The following ADAMTS2 variants were observed in gnomAD, a reference collection of about 807,000 sequenced individuals.
ADAMTS2 encodes ADAM metallopeptidase with thrombospondin type 1 motif 2.
A neutral mutation model predicts 123.0 loss-of-function variants in ADAMTS2; 50 were observed. The observed-to-expected ratio is 0.41, with a 90% CI of 0.32 to 0.51. The LOEUF is 0.51. Ranked by LOEUF, ADAMTS2 falls within the 20% of genes least tolerant of loss-of-function variation. The pLI is 0.35. For synonymous variants in ADAMTS2, 678 were observed against 695.4 expected, an observed-to-expected ratio of 0.98 and a Z score of 0.39; for missense variants, 1,494 against 1,705.2, an observed-to-expected ratio of 0.88 and a Z score of 2.18.
chr5:179,343,806 G>A lies in ADAMTS2; in HGVS notation c.495C>T (p.Ala165=), dbSNP rs1757852530. ...CLYVGDVAGL[A]EASSVALSNC... ...TGCTGAGCGCCACAGAGGAGGCTTCGGCTAGGCCGGCCACGTCTCCGACGT... is the reference window on the plus strand; with the variant it reads ...TGCTGAGCGCCACAGAGGAGGCTTCAGCTAGGCCGGCCACGTCTCCGACGT... The change falls in exon 2 of 22, where the codon GCC becomes GCT. Residue 165 remains alanine (A), a synonymous_variant. Coordinates refer to ENST00000251582, the MANE Select transcript of ADAMTS2 (RefSeq NM_014244.5). 1 of 1,611,258 alleles carries A rather than the reference G, an allele frequency of 6.2e-7. No individual in the cohort carries two copies. Among genetic ancestry groups the A allele is most frequent in the Non-Finnish European group, 8.5e-7 (1 of 1,179,502 alleles).
intron 2 of ADAMTS2, among the ~76,000 whole-genome samples, chr5:179,279,214 A>G (rs1766825418): frequency 6.6e-6 from 1 of 152,094 alleles, no homozygotes; most frequent in Admixed American, 6.5e-5. Context: ...TGCAGTGGCA[A>G]CAATCAAGCA....
At chr5:179,319,237 T>C (rs538169907) in intron 2 of ADAMTS2, among the ~76,000 whole-genome samples, 2 of 152,168 alleles carry the variant, frequency 1.3e-5, no homozygotes, top group Non-Finnish European at 2.9e-5. Context: ...CTGTGACACA[T>C]GCATCACATA....
chr5:179,337,481 T>C (rs153814), intron 2 of ADAMTS2, among the ~76,000 whole-genome samples: 87,159 of 152,084 alleles, frequency 0.57, 25,288 homozygotes, highest in East Asian at 0.77. Flanking sequence ...AGAGGCAACA[T>C]GTACATGCAC....
At chr5:179,335,372 GTATATTT>G (rs1757588753) in intron 2 of ADAMTS2, among the ~76,000 whole-genome samples, 1 of 152,124 alleles carries the variant, frequency 6.6e-6, no homozygotes, top group African/African-American at 2.4e-5. Context: ...GAAATCCAAT[GTATATTT>G]TATACTCAGG....
At chr5:179,151,689 T>G (rs988441929) in intron 10 of ADAMTS2, among the ~76,000 whole-genome samples, 2 of 152,060 alleles carry the variant, frequency 1.3e-5, no homozygotes, top group Non-Finnish European at 2.9e-5. Context: ...GGGTGGGAAG[T>G]GGGCCTGGGG....
At position 179,122,741 on chromosome 5, in the gene ADAMTS2, C is replaced by T. The variant is rs1581137308; in HGVS notation, c.2991G>A (p.Glu997=). 2 of 1,553,994 alleles carry T rather than the reference C, an allele frequency of 1.3e-6. No homozygotes were observed. The highest frequency in any genetic ancestry group is 1.2e-5 in the South Asian group (1 of 84,236). ...CCGCGGTGCGGCAGAGCACTGGCCG[C>T]TCCTGGGTGCCGTTGCCACAGGTTA... The part of the protein sequence containing the change: ...CSVTCGNGTQ[E]RPVLCRTADD... The change falls in exon 20 of 22, where the codon GAG becomes GAA. Residue 997 remains glutamate (E), a synonymous_variant. Transcript: ENST00000251582.
Position 179,132,871 on chromosome 5 carries a change from G to A in ADAMTS2, c.2115C>T (p.Ser705=). 1.9e-6 allele frequency: 3 copies of A among 1,613,992 alleles called. No homozygotes were observed. The highest frequency in any genetic ancestry group is 2.5e-6 in the Non-Finnish European group (3 of 1,179,994). Residue 705 remains serine, a synonymous_variant, in exon 14 of 22, where the codon TCC becomes TCT. Coordinates refer to ENST00000251582, the MANE Select transcript of ADAMTS2 (RefSeq NM_014244.5). The surrounding 1 kb of genome is among the most constrained non-coding windows in gnomAD (Gnocchi z 6.1). The part of the protein sequence containing the change: ...RKVGCDGVIG[S]SKQEDKCGVC... ...CGCCACACTTGTCTTCCTGCTTGCT[G>A]GAGCCGATCACACCGTCACAGCCCA...
intron 10 of ADAMTS2, among the ~76,000 whole-genome samples, chr5:179,147,277 T>G (rs1287786468): frequency 6.6e-6 from 1 of 152,030 alleles, no homozygotes; most frequent in Admixed American, 6.6e-5. Flanking sequence ...TTAGTAGAGA[T>G]GGGGTTTCAC....
At chr5:179,222,776 C>T (rs1421813064) in intron 3 of ADAMTS2, among the ~76,000 whole-genome samples, 1 of 152,126 alleles carries the variant, frequency 6.6e-6, no homozygotes. Flanking sequence ...ACGTGGCTGC[C>T]ATCACAGCAT....
In ADAMTS2 at chr5:179,257,658, G is replaced by A. The variant is rs142251870; in HGVS notation, c.688+15253C>T. Among the ~76,000 whole-genome samples the A allele has an allele frequency of 5.6e-3, 854 of 152,270 alleles. 10 individuals carry two copies. Among genetic ancestry groups the A allele is most frequent in the African/African-American group, 0.02 (816 of 41,556 alleles). ...GGTTTCGCCTCACAGAAACGGAACCGCTGGAAAGGCCTCTCTTGACATTCC... is the reference window on the plus strand; with the variant it reads ...GGTTTCGCCTCACAGAAACGGAACCACTGGAAAGGCCTCTCTTGACATTCC... On this transcript the variant is annotated intron_variant, in intron 3 of 21. Coordinates refer to ENST00000251582, the MANE Select transcript of ADAMTS2 (RefSeq NM_014244.5).
rs1387664743 is a variant in ADAMTS2, at chr5:179,206,504, C to A, written c.891+1009G>T. Reference sequence around the variant, plus strand: ...CGGGGTTCTAGAACTTCCCACCTGCCCGGCTTCCACACCACCTCCAGCCCT... The same window carrying A: ...CGGGGTTCTAGAACTTCCCACCTGCACGGCTTCCACACCACCTCCAGCCCT... On this transcript the variant is annotated intron_variant, in intron 4 of 21. Coordinates refer to ENST00000251582, the MANE Select transcript of ADAMTS2 (RefSeq NM_014244.5). 3.3e-5 allele frequency among the ~76,000 whole-genome samples: 5 copies of A among 152,278 alleles called. No individual in the cohort carries two copies. In the East Asian group the frequency reaches 9.7e-4, roughly 29 times the overall value.
chr5:179,194,878 C>T (rs1332707483), intron 4 of ADAMTS2, among the ~76,000 whole-genome samples: 1 of 152,168 alleles, frequency 6.6e-6, no homozygotes, highest in Non-Finnish European at 1.5e-5. Flanking sequence ...CCCCAAACCT[C>T]CTAAGAGAGA....
intron 3 of ADAMTS2, among the ~76,000 whole-genome samples, chr5:179,240,240 C>T (rs1321077803): frequency 3.3e-5 from 5 of 152,160 alleles, no homozygotes; most frequent in Non-Finnish European, 7.3e-5. Flanking sequence ...TGAACATCAT[C>T]GTAAGCAAGA....
intron 3 of ADAMTS2, among the ~76,000 whole-genome samples, chr5:179,258,691 C>G (rs1208495945): frequency 6.6e-6 from 1 of 152,196 alleles, no homozygotes; most frequent in Non-Finnish European, 1.5e-5. Context: ...ACACAGGGAC[C>G]TTCCCAGGCC....
intron 4 of ADAMTS2, among the ~76,000 whole-genome samples, chr5:179,187,799 G>A (rs1270070894): frequency 4.6e-5 from 7 of 152,220 alleles, no homozygotes; most frequent in East Asian, 1.9e-4. Context: ...ATCTCTGTGC[G>A]GAGAGAGGCC....
At position 179,189,331 on chromosome 5, in the gene ADAMTS2, GAC is replaced by G. The variant is rs888669286; in HGVS notation, c.892-8178_892-8177del. 1.3e-5 allele frequency among the ~76,000 whole-genome samples: 2 copies of G among 151,602 alleles called. No homozygotes were observed. The highest frequency in any genetic ancestry group is 2.9e-5 in the Non-Finnish European group (2 of 67,968). ...CATTCGTTGGTATAGGTTTGGGATA[GAC>G]GGTGGAGTTAGGAGCAATTTTTTTT... On this transcript the variant is annotated intron_variant, in intron 4 of 21. Transcript: ENST00000251582. This position sits in a 1 kb window ranked among gnomAD's most constrained non-coding sequence, Gnocchi z 4.2.
chr5:179,280,983 A>G (rs1045591830), intron 2 of ADAMTS2, among the ~76,000 whole-genome samples: 1 of 152,014 alleles, frequency 6.6e-6, no homozygotes, highest in African/African-American at 2.4e-5. Context: ...TCAGCCTCCC[A>G]AGTAACTGGG....
chr5:179,320,855 T>C (rs1303213465), intron 2 of ADAMTS2, among the ~76,000 whole-genome samples: 1 of 152,188 alleles, frequency 6.6e-6, no homozygotes, highest in East Asian at 1.9e-4. Flanking sequence ...CCCGGGTTGT[T>C]GCCCTGTGAG....
intron 2 of ADAMTS2, among the ~76,000 whole-genome samples, chr5:179,333,608 T>TTG (rs1554099095): frequency 4.7e-5 from 7 of 148,646 alleles, no homozygotes; most frequent in South Asian, 2.2e-4. Context: ...TTTTTTTTTT[T>TTG]TTTTTTTTTT....
Sources: gnomAD v4.1 joint callset for allele counts (sites outside exome capture counted in the v4.1 genomes callset) on GRCh38, gnomAD v4.1.1 for gene constraint, Gnocchi (gnomAD v3.1) non-coding constraint, MANE v1.5 for transcripts, NCBI Gene and HGNC (gene_info 2026-07-23, HGNC 2026-07-21) for gene names.